ARID2: variants seen among roughly 807,000 people sequenced by gnomAD.
ARID2 encodes the protein AT-rich interactive domain-containing protein 2.
ARID2 carries 32 observed loss-of-function variants against 184.6 expected under a neutral mutation model. The ratio of observed to expected loss-of-function variants is 0.17; its 90% CI spans 0.13 to 0.23. The LOEUF is 0.23. ARID2 is among the 10% of genes least tolerant of loss of function. The pLI is 1.00. For missense variants in ARID2, 1,696 were observed against 2,197.6 expected, an observed-to-expected ratio of 0.77 and a Z score of 4.56; for synonymous variants, 836 against 772.6, an observed-to-expected ratio of 1.08 and a Z score of -1.36.
At chr12:45,772,210 TACAC>T (rs1034597305) in intron 3 of ARID2, among the ~76,000 whole-genome samples, 2 of 152,080 alleles carry the variant, frequency 1.3e-5, no homozygotes, top group African/African-American at 2.4e-5. Context: ...AAACATGAGA[TACAC>T]ACAGAACAAA....
intron 11 of ARID2, among the ~76,000 whole-genome samples, chr12:45,843,310 T>TTA (rs1163373232): frequency 6.7e-6 from 1 of 150,264 alleles, no homozygotes; most frequent in African/African-American, 2.5e-5. Context: ...GTGATAGACT[T>TTA]ATTAAAGATT....
intron 3 of ARID2, among the ~76,000 whole-genome samples, chr12:45,738,108 A>AG (rs1338971592): frequency 6.6e-6 from 1 of 151,954 alleles, no homozygotes; most frequent in African/African-American, 2.4e-5. Context: ...GAACTTTACT[A>AG]TATTCTTTCC....
At chr12:45,874,508 C>G (rs1481210175) in intron 16 of ARID2, among the ~76,000 whole-genome samples, 1 of 152,180 alleles carries the variant, frequency 6.6e-6, no homozygotes, top group East Asian at 1.9e-4. Context: ...GAAGCAACTC[C>G]TCATCCATTC....
Position 45,852,763 on chromosome 12 carries a change from C to T in ARID2, c.4640C>T (p.Ala1547Val), listed in dbSNP as rs1943579927. Residue 1547 changes from alanine to valine, a missense_variant, in exon 15 of 21, where the codon GCT becomes GTT. This residue lies in a region of ARID2 where 111 missense variants were observed against 154.0 expected (regional missense o/e 0.72). Transcript: ENST00000334344. ...GTTACAATCAGTGACCCCAACAATGCTGGCTGCAGCGCAACAATGGTTGCT... is the reference window on the plus strand; with the variant it reads ...GTTACAATCAGTGACCCCAACAATGTTGGCTGCAGCGCAACAATGGTTGCT... ...RIVTISDPNN[A>V]GCSATMVAVP... 2.5e-6 allele frequency: 4 copies of T among 1,614,034 alleles called. No homozygotes were observed. The African/African-American group carries it at 5.3e-5, about 22-fold the overall frequency.
intron 3 of ARID2, among the ~76,000 whole-genome samples, chr12:45,761,702 T>A (rs952662351): frequency 1.3e-5 from 2 of 149,668 alleles, no homozygotes; most frequent in Admixed American, 1.3e-4. Flanking sequence ...AGGTATGGAC[T>A]TTTTTTTTTC....
chr12:45,845,635 G>T (rs34276978), intron 11 of ARID2, among the ~76,000 whole-genome samples: 1 of 152,018 alleles, frequency 6.6e-6, no homozygotes, highest in Non-Finnish European at 1.5e-5. Context: ...TTATTAAATG[G>T]CTACAATTAG....
intron 15 of ARID2, among the ~76,000 whole-genome samples, chr12:45,859,388 G>A (rs952690286): frequency 2.6e-5 from 4 of 152,144 alleles, no homozygotes; most frequent in Admixed American, 6.5e-5. Context: ...GAAGTACACC[G>A]TATGGCATTC....
intron 15 of ARID2, among the ~76,000 whole-genome samples, chr12:45,856,096 A>G (rs1474313617): frequency 2.1e-5 from 2 of 93,922 alleles, no homozygotes; most frequent in East Asian, 2.9e-4. Flanking sequence ...TTTTTTTGAG[A>G]CACAGTCTCG....
rs543500687 is a variant in ARID2 at position 45,875,017 on chromosome 12, G to A, written c.4922+14068G>A. ...CCTTGCCTGTGGTCCCAGTTACTCA[G>A]GAGGCTTTGGTGGAAGGATCGCTTG... is the stretch of plus-strand genomic sequence containing the variant. On this transcript the variant is annotated intron_variant, in intron 16 of 20. Transcript: ENST00000334344. Among the ~76,000 whole-genome samples the A allele has an allele frequency of 5.3e-5, 8 of 152,316 alleles. No individual in the cohort carries two copies. The East Asian group carries it at 1.5e-3, about 29-fold the overall frequency.
rs1592122358 is a variant in ARID2, at chr12:45,852,908, C to T, written c.4773+12C>T. On this transcript the variant is annotated intron_variant, in intron 15 of 20. Transcript: ENST00000334344. Reference sequence around the variant, plus strand: ...ATGTGGTCCCGCAGGTAAGTTATTCCATGATCACATTTCTCTTATGAAATT... The same window carrying T: ...ATGTGGTCCCGCAGGTAAGTTATTCTATGATCACATTTCTCTTATGAAATT... 1 of 1,543,760 alleles carries T rather than the reference C, an allele frequency of 6.5e-7. No homozygotes were observed. The highest frequency in any genetic ancestry group is 8.7e-7 in the Non-Finnish European group (1 of 1,146,440).
chr12:45,795,518 C>T (rs1352405569), intron 3 of ARID2, among the ~76,000 whole-genome samples: 1 of 151,944 alleles, frequency 6.6e-6, no homozygotes, highest in Non-Finnish European at 1.5e-5. Flanking sequence ...TGCAAAGCTC[C>T]GCCTCCCGGG....
intron 3 of ARID2, among the ~76,000 whole-genome samples, chr12:45,786,144 A>G (rs925733139): frequency 6.6e-6 from 1 of 152,190 alleles, no homozygotes; most frequent in African/African-American, 2.4e-5. Context: ...TATAATTTTA[A>G]CTGTACACAT....
rs150960588 is a variant in ARID2 at position 45,765,811 on chromosome 12, A to G, written c.284+34497A>G. Among the ~76,000 whole-genome samples the G allele has an allele frequency of 4.0e-3, 616 of 152,254 alleles. 1 individual carries two copies. The highest frequency in any genetic ancestry group is 0.014 in the Middle Eastern group (4 of 294). On this transcript the variant is annotated intron_variant, in intron 3 of 20. Coordinates refer to ENST00000334344, the MANE Select transcript of ARID2 (RefSeq NM_152641.4). ...AATGTGAACATATTCATCACCCTCA[A>G]AAGTCTTTTCTTGCCCCTTTTTAAC... is the stretch of plus-strand genomic sequence containing the variant.
intron 15 of ARID2, among the ~76,000 whole-genome samples, chr12:45,853,597 G>A (rs1364596560): frequency 6.6e-6 from 1 of 152,184 alleles, no homozygotes. Context: ...AGGCTATGAG[G>A]ATTTTAAGGA....
intron 2 of ARID2, among the ~76,000 whole-genome samples, 161 bp downstream of exon 2, chr12:45,730,298 C>T (rs1351073728): frequency 1.3e-5 from 2 of 149,614 alleles, no homozygotes; most frequent in African/African-American, 4.9e-5. Flanking sequence ...GGCGGCGGGG[C>T]TGTTTTTGGC....
intron 6 of ARID2, among the ~76,000 whole-genome samples, chr12:45,834,568 C>T (rs1943180388): frequency 6.6e-6 from 1 of 152,096 alleles, no homozygotes; most frequent in African/African-American, 2.4e-5. Flanking sequence ...CATGGTGAAA[C>T]CCCATCTCTC....
At chr12:45,864,175 T>C (rs959769213) in intron 16 of ARID2, among the ~76,000 whole-genome samples, 9 of 152,098 alleles carry the variant, frequency 5.9e-5, no homozygotes, top group African/African-American at 1.9e-4. Flanking sequence ...TAATATAGAT[T>C]CTTTTCAGTA....
chr12:45,739,988 C>G (rs578205319), intron 3 of ARID2, among the ~76,000 whole-genome samples: 10 of 152,296 alleles, frequency 6.6e-5, no homozygotes, highest in Non-Finnish European at 1.0e-4. Context: ...TACGCTTGAG[C>G]TCAGATCAGA....
chr12:45,880,944 C>T lies in ARID2; in HGVS notation c.4923-10836C>T, dbSNP rs565765095. Reference sequence around the variant, plus strand: ...GGACACAACACTAGAGTTTAATCTTCGAACTTGACTTGGAAGCATTCCTGC... The same window carrying T: ...GGACACAACACTAGAGTTTAATCTTTGAACTTGACTTGGAAGCATTCCTGC... On this transcript the variant is annotated intron_variant, in intron 16 of 20. Coordinates refer to ENST00000334344, the MANE Select transcript of ARID2 (RefSeq NM_152641.4). 62 of 200,296 alleles carry T rather than the reference C, an allele frequency of 3.1e-4. No homozygotes were observed. In the South Asian group the frequency reaches 5.7e-3, roughly 18 times the overall value. 12.4% of individuals were successfully genotyped at this position (200,296 alleles called of 1,614,324 possible). A position where few individuals can be genotyped will look rare whatever the true frequency, so the allele number is the denominator to read the frequency against.
Sources: gnomAD v4.1 joint callset for allele counts (sites outside exome capture counted in the v4.1 genomes callset) on GRCh38, gnomAD v4.1.1 for gene constraint, gnomAD v4.1.1 regional missense constraint, MANE v1.5 for transcripts, NCBI Gene and HGNC (gene_info 2026-07-23, HGNC 2026-07-21) for gene names.